ACSBG2: variants seen among roughly 807,000 people sequenced by gnomAD.
The protein encoded by ACSBG2 is long-chain-fatty-acid--CoA ligase ACSBG2.
In ACSBG2, 62 loss-of-function variants were observed where a neutral mutation model predicts 74.7. The ratio of observed to expected loss-of-function variants is 0.83; its 90% CI spans 0.68 to 1.03. The LOEUF (loss-of-function observed/expected upper bound fraction) is 1.03, where lower values mean the gene tolerates loss of function less well. Ranked by LOEUF, ACSBG2 falls within the 50% of genes least tolerant of loss-of-function variation. The pLI is 0.00. For synonymous variants in ACSBG2, 309 were observed against 294.1 expected, an observed-to-expected ratio of 1.05 and a Z score of -0.52; for missense variants, 730 against 817.6, an observed-to-expected ratio of 0.89 and a Z score of 1.31.
chr19:6,170,218 T>C (rs1198938605), intron 7 of ACSBG2, among the ~76,000 whole-genome samples: 16 of 152,194 alleles, frequency 1.1e-4, no homozygotes, highest in African/African-American at 3.9e-4. Flanking sequence ...TGCTGCAGGT[T>C]TGTCATAGAC....
intron 5 of ACSBG2, among the ~76,000 whole-genome samples, chr19:6,158,935 T>TTTTTC (rs551526408): frequency 2.6e-5 from 4 of 152,068 alleles, no homozygotes; most frequent in East Asian, 1.9e-4. Context: ...TTCTTTTTTC[T>TTTTTC]TTTTCTTTTC....
chr19:6,168,018 T>C (rs1324242218), intron 7 of ACSBG2, among the ~76,000 whole-genome samples: 1 of 123,012 alleles, frequency 8.1e-6, no homozygotes, highest in Non-Finnish European at 1.6e-5. Flanking sequence ...CACCAGAGAG[T>C]GCCTGTGAGC....
chr19:6,184,401 G>C (rs1223182205), intron 10 of ACSBG2, among the ~76,000 whole-genome samples: 3 of 151,934 alleles, frequency 2.0e-5, no homozygotes, highest in Non-Finnish European at 2.9e-5. Context: ...ACCTAAAAAG[G>C]CTTCAGTGGG....
intron 3 of ACSBG2, among the ~76,000 whole-genome samples, chr19:6,148,904 T>G (rs1041915708): frequency 3.3e-5 from 5 of 151,932 alleles, no homozygotes; most frequent in African/African-American, 1.2e-4. Context: ...GTCAAGAGTT[T>G]GAGACCAGCC....
chr19:6,170,581 T>G (rs2089939572), intron 7 of ACSBG2, among the ~76,000 whole-genome samples: 1 of 152,204 alleles, frequency 6.6e-6, no homozygotes, highest in Admixed American at 6.5e-5. Context: ...GATTTCTAAT[T>G]GTATTCCACT....
At chr19:6,161,071 G>A in intron 5 of ACSBG2, 144 bp from the exon 6 acceptor site, 1 of 558,318 alleles carries the variant, frequency 1.8e-6, no homozygotes, top group Admixed American at 3.2e-5. Flanking sequence ...ATGCACTCCA[G>A]CCTGGGCGAC....
At chr19:6,157,658 C>A (rs2145095009) in intron 5 of ACSBG2, among the ~76,000 whole-genome samples, 1 of 152,178 alleles carries the variant, frequency 6.6e-6, no homozygotes, top group South Asian at 2.1e-4. Flanking sequence ...CTCAATTGAT[C>A]TTCCTGCCTC....
chr19:6,183,346 G>A, intron 10 of ACSBG2, 74 bp downstream of exon 10: 1 of 1,307,720 alleles, frequency 7.6e-7, no homozygotes, highest in Non-Finnish European at 1.1e-6. Context: ...GTGGATAGAT[G>A]GGCCTCTGGG....
chr19:6,143,250 G>C (rs577722078), intron 2 of ACSBG2, among the ~76,000 whole-genome samples: 75 of 152,008 alleles, frequency 4.9e-4, no homozygotes, highest in African/African-American at 1.7e-3. Context: ...GTGGGTGTCT[G>C]AAACAGCAGA....
chr19:6,166,280 TTGTGTGTGTGTGTGTGTGTGTGTG>T (rs35422900), intron 7 of ACSBG2, among the ~76,000 whole-genome samples: 5 of 119,096 alleles, frequency 4.2e-5, no homozygotes, highest in Non-Finnish European at 6.7e-5. Flanking sequence ...GTCAGGAAGG[TTGTGTGTGTGTGTGTGTGTGTGTG>T]TGTGTGTGTG....
At chr19:6,150,697 G>A (rs1305718995) in intron 3 of ACSBG2, among the ~76,000 whole-genome samples, 1 of 152,210 alleles carries the variant, frequency 6.6e-6, no homozygotes, top group Non-Finnish European at 1.5e-5. Flanking sequence ...TGGGGAAGGG[G>A]ATAGAGAGTG....
intron 3 of ACSBG2, 98 bp from the exon 4 acceptor site, chr19:6,151,609 C>A (rs991921966): frequency 1.7e-6 from 2 of 1,192,460 alleles, no homozygotes; most frequent in Non-Finnish European, 2.4e-6. Context: ...CTGCGCCTGG[C>A]CTCCATGTGA....
At position 6,163,371 on chromosome 19, in the gene ACSBG2, AC is replaced by A. The variant is rs1390471717; in HGVS notation, c.588+2079del. Among the ~76,000 whole-genome samples the A allele has an allele frequency of 2.7e-4, 24 of 87,402 alleles. 6 individuals are homozygous for A. Among genetic ancestry groups the A allele is most frequent in the African/African-American group, 6.1e-4 (19 of 31,144 alleles). The allele number at this position is 87,402 out of a possible 152,430, so 57.3% of individuals were successfully genotyped here. Reference sequence around the variant, plus strand: ...AGGCTGAGGCAGGGGAATCACTTGAACCCGGGAAGCGGAGGTTGCAGTGAGC... The same window carrying A: ...AGGCTGAGGCAGGGGAATCACTTGAACCGGGAAGCGGAGGTTGCAGTGAGC... On this transcript the variant is annotated intron_variant, in intron 6 of 14. Transcript: ENST00000588485.
intron 8 of ACSBG2, among the ~76,000 whole-genome samples, chr19:6,179,257 T>A (rs1456719800): frequency 6.6e-6 from 1 of 151,890 alleles, no homozygotes; most frequent in East Asian, 1.9e-4. Flanking sequence ...TTTTGCAAAG[T>A]AGTTATGTGA....
At chr19:6,161,899 A>AT (rs2089635999) in intron 6 of ACSBG2, among the ~76,000 whole-genome samples, 1 of 152,122 alleles carries the variant, frequency 6.6e-6, no homozygotes, top group Middle Eastern at 3.2e-3. Flanking sequence ...TTTGTTATTA[A>AT]TTTTTTCCCA....
chr19:6,166,291 TGTGTGTG>T (rs1568237544), intron 7 of ACSBG2, among the ~76,000 whole-genome samples: 7 of 145,884 alleles, frequency 4.8e-5, no homozygotes, highest in African/African-American at 1.8e-4. Flanking sequence ...TGTGTGTGTG[TGTGTGTG>T]TGTGTGTGTG....
chr19:6,189,382 A>G (rs561462694), intron 13 of ACSBG2, among the ~76,000 whole-genome samples: 2 of 152,282 alleles, frequency 1.3e-5, no homozygotes, highest in South Asian at 4.1e-4. Context: ...CTACTAATGT[A>G]CTTTCATTTG....
chr19:6,156,282 C>A, intron 4 of ACSBG2, 149 bp from the exon 5 acceptor site: 1 of 747,632 alleles, frequency 1.3e-6, no homozygotes, highest in Non-Finnish European at 2.1e-6. Flanking sequence ...TTGTCTTCAT[C>A]ATTGTTAAGT....
intron 8 of ACSBG2, among the ~76,000 whole-genome samples, chr19:6,178,126 T>C (rs1208482899): frequency 6.6e-6 from 1 of 152,136 alleles, no homozygotes; most frequent in Non-Finnish European, 1.5e-5. Context: ...GGTGAGGATT[T>C]AGCTCCCTTC....
Sources: allele counts gnomAD v4.1 joint callset (sites outside exome capture counted in the v4.1 genomes callset), GRCh38; gene constraint gnomAD v4.1.1; transcripts MANE v1.5; gene names NCBI Gene and HGNC (gene_info 2026-07-23, HGNC 2026-07-21).